The following ATP8B4 variants were observed in gnomAD, a reference collection of about 807,000 sequenced individuals.
ATP8B4 encodes probable phospholipid-transporting ATPase IM.
Under a neutral mutation model 145.6 loss-of-function variants are expected in ATP8B4, and 133 were observed. The observed-to-expected ratio is 0.91, with a 90% confidence interval of 0.79 to 1.05. The LOEUF (loss-of-function observed/expected upper bound fraction) is 1.05. Among genes scored for constraint, ATP8B4 ranks in the 50% least tolerant of loss-of-function variants. ATP8B4 has a pLI of 0.00. For synonymous variants in ATP8B4, 507 were observed against 492.9 expected (o/e 1.03, Z -0.38); for missense variants, 1,458 against 1,425.2 (o/e 1.02, Z -0.37).
intron 23 of ATP8B4, among the ~76,000 whole-genome samples, chr15:49,888,609 G>A (rs918458201): frequency 3.9e-5 from 6 of 152,166 alleles, no homozygotes; most frequent in South Asian, 2.1e-4. Context: ...TCCTCTTTAC[G>A]AAAAGTCCTG....
intron 23 of ATP8B4, among the ~76,000 whole-genome samples, chr15:49,888,082 T>A (rs1029691324): frequency 3.3e-5 from 5 of 152,182 alleles, no homozygotes; most frequent in Non-Finnish European, 5.9e-5. Flanking sequence ...GAAAACACAT[T>A]GTGGAATAAA....
intron 3 of ATP8B4, among the ~76,000 whole-genome samples, chr15:50,072,921 C>CCCCTCTCTCTCTCT: frequency 3.7e-5 from 1 of 27,294 alleles, no homozygotes; most frequent in African/African-American, 1.4e-4. Context: ...CTGTGCCCGG[C>CCCCTCTCTCTCTCT]CTCTCTCTCT....
chr15:50,083,881 GCAAAGACAAAA>G (rs2054721843), intron 2 of ATP8B4, among the ~76,000 whole-genome samples: 1 of 152,192 alleles, frequency 6.6e-6, no homozygotes, highest in Non-Finnish European at 1.5e-5. Context: ...TAGCTAGTCA[GCAAAGACAAAA>G]CAAAGACAAA....
intron 10 of ATP8B4, among the ~76,000 whole-genome samples, chr15:49,981,809 G>A (rs1338664920): frequency 6.6e-6 from 1 of 152,070 alleles, no homozygotes; most frequent in African/African-American, 2.4e-5. Context: ...CCTTTATTGT[G>A]TATTGTATAC....
At chr15:50,006,149 C>T (rs762356560) in intron 7 of ATP8B4, among the ~76,000 whole-genome samples, 5 of 151,630 alleles carry the variant, frequency 3.3e-5, no homozygotes, top group Admixed American at 6.6e-5. Flanking sequence ...CTAATATGTA[C>T]GGGATACATC....
chr15:50,179,121 C>T (rs1383478206), intron 1 of ATP8B4, among the ~76,000 whole-genome samples: 2 of 151,968 alleles, frequency 1.3e-5, no homozygotes, highest in Non-Finnish European at 2.9e-5. Flanking sequence ...AAACAAAGTG[C>T]GCTTGAAAAG....
At chr15:49,907,623 C>A (rs1351899750) in intron 20 of ATP8B4, among the ~76,000 whole-genome samples, 1 of 152,192 alleles carries the variant, frequency 6.6e-6, no homozygotes, top group African/African-American at 2.4e-5. Flanking sequence ...GCTTTAAGTT[C>A]TTATCTAATC....
chr15:50,040,377 C>T (rs1442834969), intron 5 of ATP8B4, among the ~76,000 whole-genome samples: 1 of 152,152 alleles, frequency 6.6e-6, no homozygotes, highest in Non-Finnish European at 1.5e-5. Flanking sequence ...TATTGCCAAC[C>T]ATGTTGCTGC....
intron 21 of ATP8B4, 114 bp from the exon 22 acceptor site, chr15:49,898,365 C>A (rs1244054853): frequency 6.3e-6 from 7 of 1,111,784 alleles, no homozygotes; most frequent in Non-Finnish European, 7.5e-6. Flanking sequence ...TAAACCATTT[C>A]ATTCACTCCA....
intron 23 of ATP8B4, among the ~76,000 whole-genome samples, chr15:49,892,579 C>T (rs995919779): frequency 3.3e-5 from 5 of 152,156 alleles, no homozygotes; most frequent in African/African-American, 7.2e-5. Flanking sequence ...AATAGTGAGG[C>T]AATGTCAAGT....
chr15:50,002,820 C>T (rs2048003138), intron 7 of ATP8B4, among the ~76,000 whole-genome samples: 1 of 151,992 alleles, frequency 6.6e-6, no homozygotes, highest in Non-Finnish European at 1.5e-5. Context: ...AAAATGTAGT[C>T]AAAGGCAGTG....
intron 1 of ATP8B4, among the ~76,000 whole-genome samples, chr15:50,176,776 A>G (rs2044769919): frequency 6.6e-6 from 1 of 152,188 alleles, no homozygotes. Context: ...TCTGGTCAGA[A>G]CTAAAGAGGG....
rs529127318 is a variant in ATP8B4 at position 50,135,912 on chromosome 15, A to T, written c.-42-28904T>A. 4.6e-5 allele frequency among the ~76,000 whole-genome samples: 7 copies of T among 152,350 alleles called. No homozygotes were observed. In the South Asian group the frequency reaches 1.2e-3, roughly 27 times the overall value. On this transcript the variant is annotated intron_variant, in intron 1 of 3. Coordinates refer to the ATP8B4 transcript ENST00000558829. ...CTCATATCTCCCCAAAATTAAACTG[A>T]ACGGTCCTCTGACGTTTAATAATTC...
At chr15:49,876,004 T>C (rs1304865849) in intron 25 of ATP8B4, among the ~76,000 whole-genome samples, 1 of 152,182 alleles carries the variant, frequency 6.6e-6, no homozygotes. Context: ...GAAATAATAG[T>C]ATAATCATTT....
At chr15:49,963,533 G>T (rs1385536046) in intron 13 of ATP8B4, among the ~76,000 whole-genome samples, 1 of 152,162 alleles carries the variant, frequency 6.6e-6, no homozygotes, top group African/African-American at 2.4e-5. Flanking sequence ...GATAGACTGG[G>T]TAAAGAAAAT....
intron 1 of ATP8B4, among the ~76,000 whole-genome samples, chr15:50,117,037 T>G (rs929675339): frequency 6.6e-6 from 1 of 151,902 alleles, no homozygotes; most frequent in African/African-American, 2.4e-5. Flanking sequence ...TTAAGTTTTG[T>G]TTTTTATTTT....
chr15:50,017,262 A>G (rs1284080364), intron 6 of ATP8B4, among the ~76,000 whole-genome samples: 2 of 152,200 alleles, frequency 1.3e-5, no homozygotes, highest in African/African-American at 4.8e-5. Flanking sequence ...AAAATATTCT[A>G]CAGATAACCA....
At chr15:50,005,510 C>T (rs1251966048) in intron 7 of ATP8B4, among the ~76,000 whole-genome samples, 1 of 152,052 alleles carries the variant, frequency 6.6e-6, no homozygotes, top group Non-Finnish European at 1.5e-5. Context: ...GATGAGGAAC[C>T]CAGGAGGTCA....
intron 1 of ATP8B4, among the ~76,000 whole-genome samples, chr15:50,156,801 C>T (rs1250290840): frequency 2.6e-5 from 4 of 152,204 alleles, no homozygotes; most frequent in Admixed American, 2.6e-4. Context: ...TGCCATTCCA[C>T]TTCTTAGTAA....
Sources: gnomAD v4.1 joint callset for allele counts (sites outside exome capture counted in the v4.1 genomes callset) on GRCh38, gnomAD v4.1.1 for gene constraint, MANE v1.5 for transcripts, NCBI Gene and HGNC (gene_info 2026-07-23, HGNC 2026-07-21) for gene names.